The following GRM7 variants were observed in gnomAD, a reference collection of about 807,000 sequenced individuals.
GRM7 encodes the protein glutamate metabotropic receptor 7, also known as metabotropic glutamate receptor 7.
Under a neutral mutation model 84.5 loss-of-function variants are expected in GRM7, and 35 were observed. The ratio of observed to expected loss-of-function variants is 0.41; its 90% CI spans 0.32 to 0.55. The LOEUF (loss-of-function observed/expected upper bound fraction) is 0.55, where lower values mean the gene tolerates loss of function less well. Among genes scored for constraint, GRM7 ranks in the 20% least tolerant of loss-of-function variants. GRM7 has a pLI of 0.19. For synonymous variants in GRM7, 487 were observed against 455.1 expected, an observed-to-expected ratio of 1.07 and a Z score of -0.89; for missense variants, 1,003 against 1,194.6, an observed-to-expected ratio of 0.84 and a Z score of 2.36.
At chr3:7,655,376 A>G (rs2125118136) in intron 8 of GRM7, among the ~76,000 whole-genome samples, 1 of 152,342 alleles carries the variant, frequency 6.6e-6, no homozygotes, top group East Asian at 1.9e-4. Context: ...AAGATGAAGC[A>G]TGTGGCTCTA....
chr3:7,691,028 C>T (rs998670083), intron 9 of GRM7: 6 of 319,978 alleles, frequency 1.9e-5, no homozygotes, highest in Non-Finnish European at 3.4e-5. Context: ...AGATGTATCT[C>T]AACTTTGCAG....
chr3:6,927,463 G>GAGAGTA (rs1553595155), intron 1 of GRM7, among the ~76,000 whole-genome samples: 1 of 93,220 alleles, frequency 1.1e-5, no homozygotes, highest in Non-Finnish European at 2.6e-5. Context: ...GAAAGAGAGA[G>GAGAGTA]AGAAAGAAAG....
At chr3:7,071,004 A>G (rs1363030442) in intron 1 of GRM7, among the ~76,000 whole-genome samples, 1 of 152,068 alleles carries the variant, frequency 6.6e-6, no homozygotes. Context: ...TTCATTTCAG[A>G]TCCTCTGGAG....
intron 4 of GRM7, among the ~76,000 whole-genome samples, chr3:7,368,924 G>A (rs956752356): frequency 6.6e-6 from 1 of 151,976 alleles, no homozygotes; most frequent in Non-Finnish European, 1.5e-5. Context: ...TGTTTTTCAT[G>A]CACACTCTAA....
At chr3:7,024,295 G>A (rs1378525252) in intron 1 of GRM7, among the ~76,000 whole-genome samples, 1 of 152,146 alleles carries the variant, frequency 6.6e-6, no homozygotes, top group African/African-American at 2.4e-5. Context: ...AGAGGGAGGG[G>A]TAATATATGC....
At chr3:7,245,276 A>G (rs1697715301) in intron 2 of GRM7, among the ~76,000 whole-genome samples, 1 of 152,082 alleles carries the variant, frequency 6.6e-6, no homozygotes, top group Non-Finnish European at 1.5e-5. Context: ...AAAATGACAG[A>G]AAACAAGAAC....
At chr3:7,217,651 C>T (rs1291900261) in intron 2 of GRM7, among the ~76,000 whole-genome samples, 1 of 150,460 alleles carries the variant, frequency 6.6e-6, no homozygotes, top group Admixed American at 6.6e-5. Flanking sequence ...TAAAATCTTT[C>T]CAATTTCTGT....
chr3:7,225,641 A>T (rs1007087813), intron 2 of GRM7, among the ~76,000 whole-genome samples: 1 of 150,980 alleles, frequency 6.6e-6, no homozygotes, highest in Non-Finnish European at 1.5e-5. Context: ...AATTAAATTA[A>T]TTGTAAATGG....
At chr3:7,163,640 A>G (rs907944904) in intron 2 of GRM7, among the ~76,000 whole-genome samples, 4 of 152,184 alleles carry the variant, frequency 2.6e-5, no homozygotes, top group Admixed American at 6.5e-5. Flanking sequence ...GTTATTTTAG[A>G]CAGGGTGGTT....
intron 7 of GRM7, among the ~76,000 whole-genome samples, chr3:7,477,618 T>A (rs1338285181): frequency 1.3e-5 from 2 of 152,220 alleles, no homozygotes. Flanking sequence ...ACTTTGTTTC[T>A]TTCTGAGATG....
chr3:7,182,649 A>T (rs1357900786), intron 2 of GRM7, among the ~76,000 whole-genome samples: 1 of 152,192 alleles, frequency 6.6e-6, no homozygotes, highest in Non-Finnish European at 1.5e-5. Flanking sequence ...TTCAAGTAGG[A>T]AAGATTCAAT....
intron 4 of GRM7, among the ~76,000 whole-genome samples, chr3:7,311,825 C>T (rs182878124): frequency 8.5e-5 from 13 of 152,166 alleles, no homozygotes; most frequent in African/African-American, 3.1e-4. Context: ...GAATTCCTGA[C>T]CTCAAGTCAT....
chr3:7,270,452 AT>A (rs1698813137), intron 2 of GRM7, among the ~76,000 whole-genome samples: 1 of 152,142 alleles, frequency 6.6e-6, no homozygotes, highest in Non-Finnish European at 1.5e-5. Context: ...TTAAGCATTC[AT>A]CTGAAAATGT....
At chr3:6,870,792 C>T (rs2124941859) in intron 1 of GRM7, among the ~76,000 whole-genome samples, 1 of 152,124 alleles carries the variant, frequency 6.6e-6, no homozygotes, top group East Asian at 1.9e-4. Context: ...CCCCTTAACC[C>T]AAGATTTTGG....
chr3:6,876,849 G>A (rs1695325185), intron 1 of GRM7, among the ~76,000 whole-genome samples: 1 of 152,038 alleles, frequency 6.6e-6, no homozygotes, highest in African/African-American at 2.4e-5. Context: ...TGATCCACCT[G>A]CTTCAGCCTT....
intron 1 of GRM7, among the ~76,000 whole-genome samples, chr3:7,137,871 C>G (rs1348194616): frequency 1.3e-5 from 2 of 151,994 alleles, no homozygotes; most frequent in African/African-American, 2.4e-5. Context: ...GCTAATAAGT[C>G]AAATTACTGT....
chr3:7,674,189 T>G (rs1008973701), intron 8 of GRM7, among the ~76,000 whole-genome samples: 1 of 151,924 alleles, frequency 6.6e-6, no homozygotes, highest in Non-Finnish European at 1.5e-5. Context: ...AGTAGTTGAA[T>G]TTTTTTCTTT....
At chr3:6,914,431 T>C (rs1261993780) in intron 1 of GRM7, among the ~76,000 whole-genome samples, 1 of 151,900 alleles carries the variant, frequency 6.6e-6, no homozygotes, top group Non-Finnish European at 1.5e-5. Flanking sequence ...TGAGACCGAG[T>C]CTTGCTTTGT....
intron 2 of GRM7, among the ~76,000 whole-genome samples, chr3:7,152,856 A>G (rs961589820): frequency 1.3e-5 from 2 of 152,200 alleles, no homozygotes; most frequent in African/African-American, 2.4e-5. Flanking sequence ...AAACAGTCAG[A>G]TATTCATGTT....
Sources: allele counts gnomAD v4.1 joint callset (sites outside exome capture counted in the v4.1 genomes callset), GRCh38; gene constraint gnomAD v4.1.1; transcripts MANE v1.5; gene names NCBI Gene and HGNC (gene_info 2026-07-23, HGNC 2026-07-21).